KLF12: variants seen among roughly 807,000 people sequenced by gnomAD.
KLF12 encodes KLF transcription factor 12.
Under a neutral mutation model 37.8 loss-of-function variants are expected in KLF12, and 9 were observed. The observed-to-expected ratio is 0.24, with a 90% confidence interval of 0.14 to 0.42. KLF12 has a LOEUF of 0.42. KLF12 is among the 10% of genes least tolerant of loss of function. KLF12 has a pLI of 1.00. For missense variants in KLF12, 411 were observed against 516.0 expected (o/e 0.80, Z 1.97); for synonymous variants, 208 against 202.1 (o/e 1.03, Z -0.25).
intron 3 of KLF12, among the ~76,000 whole-genome samples, chr13:73,921,752 C>T (rs919054253): frequency 6.6e-6 from 1 of 152,084 alleles, no homozygotes; most frequent in South Asian, 2.1e-4. Flanking sequence ...GAATAAATAA[C>T]ACACATTTTA....
chr13:74,037,894 T>A (rs1893300162), intron 1 of KLF12, among the ~76,000 whole-genome samples: 1 of 152,156 alleles, frequency 6.6e-6, no homozygotes, highest in Non-Finnish European at 1.5e-5. Context: ...GAAGCTAATG[T>A]AAAGCACAAG....
At chr13:73,862,624 T>G (rs1885990522) in intron 3 of KLF12, among the ~76,000 whole-genome samples, 1 of 152,078 alleles carries the variant, frequency 6.6e-6, no homozygotes, top group Non-Finnish European at 1.5e-5. Context: ...GAAAAAAGAG[T>G]CAAAAGGTTA....
chr13:74,243,769 A>T, the KLF12 span, among the ~76,000 whole-genome samples: 1 of 152,108 alleles, frequency 6.6e-6, no homozygotes, highest in East Asian at 1.9e-4. Flanking sequence ...AGGAGGTATC[A>T]TTTGTCCTGG....
chr13:73,816,430 G>A (rs897873870), intron 4 of KLF12, among the ~76,000 whole-genome samples: 1 of 152,204 alleles, frequency 6.6e-6, no homozygotes, highest in African/African-American at 2.4e-5. Context: ...ACAGTTTTGG[G>A]TAACCCAGCT....
the KLF12 span, among the ~76,000 whole-genome samples, chr13:74,178,847 T>C: frequency 6.6e-6 from 1 of 152,172 alleles, no homozygotes; most frequent in Non-Finnish European, 1.5e-5. Flanking sequence ...CTTTCACTAG[T>C]AACCCTCTGG....
intron 3 of KLF12, among the ~76,000 whole-genome samples, chr13:73,938,939 C>T (rs181260132): frequency 3.8e-4 from 58 of 152,278 alleles, no homozygotes; most frequent in Non-Finnish European, 2.9e-5. Context: ...GCATCAGGCT[C>T]GCTTCCCCAA....
At chr13:74,048,869 AAAGT>A (rs1356749086) in intron 1 of KLF12, among the ~76,000 whole-genome samples, 1 of 152,212 alleles carries the variant, frequency 6.6e-6, no homozygotes, top group Non-Finnish European at 1.5e-5. Context: ...AAAAGGTTAA[AAAGT>A]AAGTGGAAGA....
chr13:74,237,491 A>G, the KLF12 span, among the ~76,000 whole-genome samples: 1 of 140,720 alleles, frequency 7.1e-6, no homozygotes, highest in Non-Finnish European at 1.5e-5. Flanking sequence ...AGTCATTGGT[A>G]GCTTGACGGG....
the KLF12 span, among the ~76,000 whole-genome samples, chr13:74,275,761 C>T: frequency 8.0e-5 from 12 of 149,870 alleles, no homozygotes; most frequent in East Asian, 7.8e-4. Flanking sequence ...TATAGGTGCA[C>T]GCCATTATGC....
chr13:73,776,375 C>T (rs979760794), intron 5 of KLF12, among the ~76,000 whole-genome samples: 1 of 152,168 alleles, frequency 6.6e-6, no homozygotes, highest in Non-Finnish European at 1.5e-5. Flanking sequence ...CCAGCTTATA[C>T]AGAGACACTT....
the KLF12 span, among the ~76,000 whole-genome samples, chr13:74,305,038 G>A: frequency 6.6e-6 from 1 of 151,954 alleles, no homozygotes; most frequent in Non-Finnish European, 1.5e-5. Flanking sequence ...CAGTGTAGCT[G>A]GTAATGCATA....
chr13:73,721,454 G>A (rs7992411), intron 6 of KLF12, among the ~76,000 whole-genome samples: 93,330 of 152,072 alleles, frequency 0.61, 29,625 homozygotes, highest in East Asian at 0.73. Flanking sequence ...TTTCTCTGGA[G>A]AATTTTAAAA....
the KLF12 span, among the ~76,000 whole-genome samples, chr13:74,246,404 C>T: frequency 6.6e-6 from 1 of 152,170 alleles, no homozygotes. Flanking sequence ...AGAATGTTGC[C>T]TCGGCTTATT....
intron 6 of KLF12, among the ~76,000 whole-genome samples, chr13:73,739,853 A>C (rs1877830205): frequency 6.6e-6 from 1 of 152,258 alleles, no homozygotes; most frequent in Non-Finnish European, 1.5e-5. Flanking sequence ...ACATTCTTGG[A>C]TAATTTTATC....
At chr13:74,246,540 G>T in the KLF12 span, among the ~76,000 whole-genome samples, 1 of 152,222 alleles carries the variant, frequency 6.6e-6, no homozygotes, top group Non-Finnish European at 1.5e-5. Flanking sequence ...TGAGAAAATA[G>T]AAAGTGGCCC....
intron 6 of KLF12, among the ~76,000 whole-genome samples, chr13:73,745,936 AC>A (rs1878330842): frequency 6.6e-6 from 1 of 152,196 alleles, no homozygotes; most frequent in Non-Finnish European, 1.5e-5. Flanking sequence ...CGTAGTACAC[AC>A]CATCTGCATC....
chr13:73,716,748 T>TC (rs1390604892), intron 6 of KLF12, among the ~76,000 whole-genome samples: 1 of 149,124 alleles, frequency 6.7e-6, no homozygotes, highest in African/African-American at 2.6e-5. Context: ...GTTTTATTCC[T>TC]TTTTTTAATT....
intron 6 of KLF12, 46 bp from the exon 7 acceptor site, chr13:73,715,571 C>T: frequency 2.5e-6 from 4 of 1,586,112 alleles, no homozygotes; most frequent in Middle Eastern, 1.7e-4. Flanking sequence ...GCACACCGCC[C>T]CATTTTGGTT....
At chr13:73,962,565 G>T (rs535939073) in intron 2 of KLF12, among the ~76,000 whole-genome samples, 2 of 152,238 alleles carry the variant, frequency 1.3e-5, no homozygotes, top group African/African-American at 4.8e-5. Flanking sequence ...TTTTAAGGAG[G>T]TTGCGTATGT....
Sources: gnomAD v4.1 joint callset for allele counts (sites outside exome capture counted in the v4.1 genomes callset) on GRCh38, gnomAD v4.1.1 for gene constraint, MANE v1.5 for transcripts, NCBI Gene and HGNC (gene_info 2026-07-23, HGNC 2026-07-21) for gene names.